Variants in BAZ1A observed in about 807,000 individuals in gnomAD.
BAZ1A encodes bromodomain adjacent to zinc finger domain protein 1A.
BAZ1A carries 50 observed loss-of-function variants against 185.2 expected under a neutral mutation model. The observed-to-expected ratio is 0.27, with a 90% CI of 0.22 to 0.34. The LOEUF is 0.34. Ranked by LOEUF, BAZ1A falls within the 10% of genes least tolerant of loss-of-function variation. BAZ1A has a pLI of 1.00. For missense variants in BAZ1A, 1,356 were observed against 1,839.9 expected (o/e 0.74, Z 4.81); for synonymous variants, 571 against 615.6 (o/e 0.93, Z 1.07).
rs1237975750 is a variant in BAZ1A at position 34,765,260 on chromosome 14, C to A, written c.3310G>T (p.Asp1104Tyr). ...RFLKAPLDAS[D>Y]SGRSYKTVLD... Reference sequence around the variant, plus strand: ...ACTGTTTTATAAGAACGCCCACTGTCACTGGCATCTTAAATGAAAAGGGAA... The same window carrying A: ...ACTGTTTTATAAGAACGCCCACTGTAACTGGCATCTTAAATGAAAAGGGAA... The change falls in exon 22 of 27, where the codon GAC becomes TAC. Residue 1104 changes from aspartate (D) to tyrosine (Y), a missense_variant. Transcript: ENST00000360310. The A allele has an allele frequency of 6.2e-7, 1 of 1,612,056 alleles. No homozygotes were observed. Among genetic ancestry groups the A allele is most frequent in the Non-Finnish European group, 8.5e-7 (1 of 1,179,086 alleles).
At chr14:34,832,211 C>CAT (rs1181710627) in intron 3 of BAZ1A, among the ~76,000 whole-genome samples, 3 of 65,442 alleles carry the variant, frequency 4.6e-5, no homozygotes, top group African/African-American at 9.8e-5. Flanking sequence ...CACACACACA[C>CAT]ACACATATAT....
chr14:34,812,708 T>C (rs569784887), intron 4 of BAZ1A, among the ~76,000 whole-genome samples: 9 of 152,232 alleles, frequency 5.9e-5, no homozygotes, highest in African/African-American at 1.9e-4. Context: ...GAAAATGATA[T>C]GGTAAGATGA....
In BAZ1A at chr14:34,786,768, C is replaced by T. The variant is rs537214412; in HGVS notation, c.1511-547G>A. On this transcript the variant is annotated intron_variant, in intron 12 of 26. Coordinates refer to ENST00000360310, the MANE Select transcript of BAZ1A (RefSeq NM_013448.3). ...GACTACAGGCACCTGCCACCACGCC[C>T]GGCTAATTTTTGTATTTTTAGTAGA... Among the ~76,000 whole-genome samples, 939 of 151,792 alleles carry T rather than the reference C, an allele frequency of 6.2e-3. 17 individuals carry two copies. The highest frequency in any genetic ancestry group is 0.022 in the African/African-American group (900 of 41,414).
chr14:34,823,723 C>A (rs2042121470), intron 4 of BAZ1A, among the ~76,000 whole-genome samples: 1 of 152,080 alleles, frequency 6.6e-6, no homozygotes, highest in African/African-American at 2.4e-5. Context: ...TTTAAAAATA[C>A]CTTTCATATA....
At position 34,875,166 on chromosome 14, in the gene BAZ1A, A is replaced by G; in HGVS notation, c.-87T>C. On this transcript the variant is annotated 5_prime_UTR_variant, in exon 1 of 27. Coordinates refer to ENST00000360310, the MANE Select transcript of BAZ1A (RefSeq NM_013448.3). ...CGATCACGCCGACTGCCACTTGTCC[A>G]CCTTCTCCACTACAAAGGCAACGAG... 1 of 426,320 alleles carries G rather than the reference A, an allele frequency of 2.3e-6. No homozygotes were observed. Among genetic ancestry groups the G allele is most frequent in the Non-Finnish European group, 4.8e-6 (1 of 210,018 alleles). 26.4% of individuals were successfully genotyped at this position (426,320 alleles called of 1,614,324 possible).
intron 24 of BAZ1A, among the ~76,000 whole-genome samples, chr14:34,761,135 C>G (rs10147134): frequency 0.33 from 49,559 of 151,710 alleles, 8,301 homozygotes; most frequent in Non-Finnish European, 0.38. Flanking sequence ...AAAATTAGCC[C>G]GGTGTGATGG....
intron 2 of BAZ1A, among the ~76,000 whole-genome samples, chr14:34,872,941 A>AACAAAAAAAAAAAAAAC (rs1555346584): frequency 1.1e-4 from 13 of 122,680 alleles, no homozygotes; most frequent in South Asian, 2.7e-4. Context: ...AAAAAAAAAA[A>AACAAAAAAAAAAAAAAC]CTTGTCCAAT....
rs143520445 is a variant in BAZ1A at position 34,770,967 on chromosome 14, T to A, written c.3301+544A>T. 7.2e-4 allele frequency among the ~76,000 whole-genome samples: 109 copies of A among 152,218 alleles called. 1 individual carries two copies. The Middle Eastern group carries it at 0.01, about 14-fold the overall frequency. Reference sequence around the variant, plus strand: ...AAAAAAAGTTACACATAATCTTTGATTATTCAAGGTCTGACTAGTTATAGG... The same window carrying A: ...AAAAAAAGTTACACATAATCTTTGAATATTCAAGGTCTGACTAGTTATAGG... On this transcript the variant is annotated intron_variant, in intron 21 of 26. Coordinates refer to ENST00000360310, the MANE Select transcript of BAZ1A (RefSeq NM_013448.3).
At chr14:34,811,082 A>G (rs746092747) in intron 4 of BAZ1A, 46 bp from the exon 5 acceptor site, 1 of 1,323,800 alleles carries the variant, frequency 7.6e-7, no homozygotes, top group South Asian at 1.3e-5. Context: ...TAATTTGGAA[A>G]ATGAAATTTT....
intron 3 of BAZ1A, among the ~76,000 whole-genome samples, chr14:34,852,487 C>T (rs569217553): frequency 2.6e-5 from 4 of 152,066 alleles, no homozygotes; most frequent in Admixed American, 6.5e-5. Flanking sequence ...CATGGTGGCA[C>T]GCACGCCCGT....
At chr14:34,859,262 T>C (rs1425836174) in intron 3 of BAZ1A, among the ~76,000 whole-genome samples, 1 of 151,866 alleles carries the variant, frequency 6.6e-6, no homozygotes, top group African/African-American at 2.4e-5. Context: ...TCATCTATAC[T>C]AAAAGTTAAA....
chr14:34,841,286 A>G (rs534725290), intron 3 of BAZ1A, among the ~76,000 whole-genome samples: 81 of 152,340 alleles, frequency 5.3e-4, no homozygotes, highest in Non-Finnish European at 8.8e-4. Context: ...CTGATTGCCA[A>G]TCATAGCAAA....
intron 16 of BAZ1A, among the ~76,000 whole-genome samples, chr14:34,781,463 T>C (rs1397244686): frequency 6.6e-6 from 1 of 152,114 alleles, no homozygotes; most frequent in African/African-American, 2.4e-5. Flanking sequence ...CTCTACTGAT[T>C]TGCTTATTCT....
At chr14:34,841,350 T>C (rs1411339673) in intron 3 of BAZ1A, among the ~76,000 whole-genome samples, 8 of 152,206 alleles carry the variant, frequency 5.3e-5, no homozygotes, top group Non-Finnish European at 1.0e-4. Context: ...ATTCATTCTA[T>C]TTGAATATTA....
At position 34,875,301 on chromosome 14, in the gene BAZ1A, C is replaced by T. The variant is rs2043031779; in HGVS notation, c.-222G>A. The T allele has an allele frequency of 2.2e-6, 1 of 455,802 alleles. No individual in the cohort carries two copies. The highest frequency in any genetic ancestry group is 2.3e-5 in the Admixed American group (1 of 42,560). The allele number at this position is 455,802 out of a possible 1,614,324, so 28.2% of individuals were successfully genotyped here. On this transcript the variant is annotated 5_prime_UTR_variant, in exon 1 of 27. Coordinates refer to ENST00000360310, the MANE Select transcript of BAZ1A (RefSeq NM_013448.3). ...CTCCGCGCGGGGAATTGCGTCCCAC[C>T]GCCACTTCCCCGCCTCTCGGAGCTC... is the stretch of plus-strand genomic sequence containing the variant.
intron 2 of BAZ1A, among the ~76,000 whole-genome samples, chr14:34,872,941 A>AAACAAAAACAAAAAAAAAAACAAC (rs1555346584): frequency 4.9e-5 from 6 of 122,678 alleles, no homozygotes; most frequent in South Asian, 2.7e-4. Context: ...AAAAAAAAAA[A>AAACAAAAACAAAAAAAAAAACAAC]CTTGTCCAAT....
At chr14:34,848,745 C>A (rs1292037576) in intron 3 of BAZ1A, among the ~76,000 whole-genome samples, 1 of 152,020 alleles carries the variant, frequency 6.6e-6, no homozygotes. Flanking sequence ...ATTTTAAATC[C>A]AAATACTATG....
chr14:34,763,158 A>G (rs1886593962), intron 23 of BAZ1A, among the ~76,000 whole-genome samples: 1 of 152,142 alleles, frequency 6.6e-6, no homozygotes, highest in Non-Finnish European at 1.5e-5. Context: ...TCCTCTCCCC[A>G]TATACCTGGA....
In BAZ1A at chr14:34,761,392, T is replaced by C. The variant is rs55909288; in HGVS notation, c.4243+365A>G. On this transcript the variant is annotated intron_variant, in intron 24 of 26. Transcript: ENST00000360310. The stretch of plus-strand genomic sequence containing the variant: ...GAGATGGGAACCTTACCAAATAATC[T>C]GATGTAGCTTGTCTAGGTGATGCTG... 1.8e-4 allele frequency among the ~76,000 whole-genome samples: 27 copies of C among 152,286 alleles called. No individual in the cohort carries two copies. In the East Asian group the frequency reaches 3.1e-3, roughly 17 times the overall value.
Sources: gnomAD v4.1 joint callset for allele counts (sites outside exome capture counted in the v4.1 genomes callset) on GRCh38, gnomAD v4.1.1 for gene constraint, MANE v1.5 for transcripts, NCBI Gene and HGNC (gene_info 2026-07-23, HGNC 2026-07-21) for gene names.